Variants in NCKAP5 observed in about 807,000 individuals in gnomAD.
NCKAP5 encodes NCK associated protein 5, also known as nck-associated protein 5.
In NCKAP5, 92 loss-of-function variants were observed where a neutral mutation model predicts 167.0. That is an observed-to-expected ratio of 0.55 (90% CI 0.47 to 0.66). The LOEUF is 0.66. NCKAP5 is among the 30% of genes least tolerant of loss of function. NCKAP5 has a pLI of 0.00. For missense variants in NCKAP5, 2,378 were observed against 2,315.0 expected (o/e 1.03, Z -0.56); for synonymous variants, 891 against 877.4 (o/e 1.02, Z -0.27).
At chr2:132,778,416 A>T (rs977133056) in intron 15 of NCKAP5, among the ~76,000 whole-genome samples, 2 of 152,126 alleles carry the variant, frequency 1.3e-5, no homozygotes, top group African/African-American at 4.8e-5. Flanking sequence ...AACTAAGCGG[A>T]GGTTTGCTAC....
intron 3 of NCKAP5, among the ~76,000 whole-genome samples, chr2:133,384,564 T>G (rs565372935): frequency 9.2e-5 from 14 of 152,332 alleles, no homozygotes; most frequent in Non-Finnish European, 1.9e-4. Flanking sequence ...CATGTGAATT[T>G]TAAAGTAGTT....
At chr2:133,439,009 A>C (rs1320020536) in intron 3 of NCKAP5, among the ~76,000 whole-genome samples, 1 of 152,190 alleles carries the variant, frequency 6.6e-6, no homozygotes, top group African/African-American at 2.4e-5. Context: ...ACTTGTCCTA[A>C]AACTGTTTGA....
chr2:132,804,659 T>G (rs1406040148), intron 11 of NCKAP5, among the ~76,000 whole-genome samples: 1 of 152,072 alleles, frequency 6.6e-6, no homozygotes. Flanking sequence ...TAGGAAGAAA[T>G]GAATTACCAC....
intron 6 of NCKAP5, among the ~76,000 whole-genome samples, chr2:133,115,775 GTATATATATA>G (rs10683280): frequency 0.081 from 7,608 of 94,336 alleles, 440 homozygotes; most frequent in East Asian, 0.32. Context: ...ATGTGTGTGT[GTATATATATA>G]TATATATATA....
chr2:132,869,041 A>G (rs971336228), intron 9 of NCKAP5, 67 bp from the exon 10 acceptor site: 5 of 1,183,178 alleles, frequency 4.2e-6, no homozygotes, highest in Non-Finnish European at 5.9e-6. Flanking sequence ...ACTCTAATTT[A>G]CCAATAAGTT....
At chr2:133,501,565 T>C (rs1017460036) in intron 3 of NCKAP5, among the ~76,000 whole-genome samples, 1 of 152,218 alleles carries the variant, frequency 6.6e-6, no homozygotes, top group African/African-American at 2.4e-5. Context: ...AATATTTTAT[T>C]TGCATTTATA....
chr2:133,047,810 T>G (rs528044710), intron 6 of NCKAP5, among the ~76,000 whole-genome samples: 1 of 152,322 alleles, frequency 6.6e-6, no homozygotes, highest in Admixed American at 6.5e-5. Flanking sequence ...CCATTCTGAT[T>G]AACCAGTAAT....
At chr2:132,843,741 A>T (rs1252639718) in intron 11 of NCKAP5, among the ~76,000 whole-genome samples, 1 of 151,804 alleles carries the variant, frequency 6.6e-6, no homozygotes, top group Non-Finnish European at 1.5e-5. Flanking sequence ...CTTACTTTAG[A>T]TCTCTTATTT....
At chr2:132,862,144 G>A (rs1304182146) in intron 10 of NCKAP5, among the ~76,000 whole-genome samples, 1 of 152,208 alleles carries the variant, frequency 6.6e-6, no homozygotes, top group African/African-American at 2.4e-5. Context: ...CTGATGCCTA[G>A]GGCCTAAATA....
chr2:132,820,553 T>C (rs1049656389), intron 11 of NCKAP5, among the ~76,000 whole-genome samples: 7 of 151,776 alleles, frequency 4.6e-5, no homozygotes, highest in African/African-American at 1.7e-4. Flanking sequence ...TTTTGTTTTT[T>C]GTTTTTTTTA....
intron 11 of NCKAP5, among the ~76,000 whole-genome samples, chr2:132,799,817 G>T (rs953060897): frequency 6.6e-6 from 1 of 151,564 alleles, no homozygotes; most frequent in South Asian, 2.1e-4. Context: ...ATTTATGGGG[G>T]TGCATGTGAT....
intron 18 of NCKAP5, among the ~76,000 whole-genome samples, 151 bp from the exon 19 acceptor site, chr2:132,725,910 A>G (rs1380736463): frequency 6.6e-6 from 1 of 152,202 alleles, no homozygotes; most frequent in Non-Finnish European, 1.5e-5. Flanking sequence ...ACCCGAGAGC[A>G]ACTCTGGTTT....
chr2:133,070,033 T>C (rs2080335934), intron 6 of NCKAP5, among the ~76,000 whole-genome samples: 1 of 152,236 alleles, frequency 6.6e-6, no homozygotes, highest in Middle Eastern at 3.4e-3. Context: ...GCCATTAATA[T>C]CACTTACATA....
intron 11 of NCKAP5, among the ~76,000 whole-genome samples, chr2:132,802,235 C>T (rs1685098021): frequency 6.6e-6 from 1 of 152,212 alleles, no homozygotes. Context: ...TTCTGCCACA[C>T]TCTGTCACCT....
At chr2:133,140,758 T>C (rs913363330) in intron 5 of NCKAP5, among the ~76,000 whole-genome samples, 3 of 148,926 alleles carry the variant, frequency 2.0e-5, no homozygotes, top group Non-Finnish European at 3.0e-5. Flanking sequence ...ATATATATTA[T>C]ATATAAGTAA....
chr2:133,008,211 A>G (rs1284468689), intron 6 of NCKAP5, among the ~76,000 whole-genome samples: 1 of 152,054 alleles, frequency 6.6e-6, no homozygotes, highest in Non-Finnish European at 1.5e-5. Flanking sequence ...TGGTTGACTG[A>G]GCTGTCACTA....
chr2:133,312,539 A>G (rs979487604), intron 3 of NCKAP5, among the ~76,000 whole-genome samples: 1 of 152,120 alleles, frequency 6.6e-6, no homozygotes, highest in African/African-American at 2.4e-5. Context: ...ATATCCAGGA[A>G]ATCCCCAGCC....
At chr2:133,670,546 T>C in the NCKAP5 span, among the ~76,000 whole-genome samples, 2,487 of 152,298 alleles carry the variant, frequency 0.016, 67 homozygotes, top group African/African-American at 0.056. Flanking sequence ...TGCATAAATA[T>C]AGCATCAACA....
chr2:133,225,948 A>G (rs147209375), intron 4 of NCKAP5, among the ~76,000 whole-genome samples: 1,877 of 150,944 alleles, frequency 0.012, 46 homozygotes, highest in African/African-American at 0.042. Flanking sequence ...ACATCCAGCT[A>G]TTTTTCTGTA....
Sources: allele counts gnomAD v4.1 joint callset (sites outside exome capture counted in the v4.1 genomes callset), GRCh38; gene constraint gnomAD v4.1.1; transcripts MANE v1.5; gene names NCBI Gene and HGNC (gene_info 2026-07-23, HGNC 2026-07-21).